PALM2AKAP2: variants seen among roughly 807,000 people sequenced by gnomAD.
The protein encoded by PALM2AKAP2 is PALM2 and AKAP2 fusion, also known as PALM2-AKAP2 fusion protein.
Under a neutral mutation model 71.5 loss-of-function variants are expected in PALM2AKAP2, and 37 were observed. That is an observed-to-expected ratio of 0.52 (90% CI 0.40 to 0.68). The LOEUF (loss-of-function observed/expected upper bound fraction) is 0.68. PALM2AKAP2 is among the 30% of genes least tolerant of loss of function. The probability of loss-of-function intolerance (pLI) is 0.00; values close to 1 mark genes in which losing one functional copy is unlikely to be tolerated. For missense variants in PALM2AKAP2, 1,224 were observed against 1,191.8 expected, an observed-to-expected ratio of 1.03 and a Z score of -0.40; for synonymous variants, 468 against 478.8, an observed-to-expected ratio of 0.98 and a Z score of 0.29.
At chr9:110,058,898 G>GTTTTTTT (rs202140304) in intron 1 of PALM2AKAP2, among the ~76,000 whole-genome samples, 9 of 111,730 alleles carry the variant, frequency 8.1e-5, no homozygotes, top group Non-Finnish European at 1.0e-4. Flanking sequence ...AAGTTTTTTG[G>GTTTTTTT]TTTTTTTTTT....
intron 6 of PALM2AKAP2, among the ~76,000 whole-genome samples, chr9:109,937,304 T>A (rs1831245641): frequency 6.6e-6 from 1 of 152,162 alleles, no homozygotes; most frequent in Admixed American, 6.5e-5. Context: ...CTGGGTGTTT[T>A]CAGAACCTAG....
At chr9:110,118,183 T>G in intron 1 of PALM2AKAP2, among the ~76,000 whole-genome samples, 1 of 137,980 alleles carries the variant, frequency 7.2e-6, no homozygotes, top group South Asian at 2.4e-4. Context: ...TATATATATA[T>G]ATTCCATGTA....
intron 3 of PALM2AKAP2, among the ~76,000 whole-genome samples, chr9:110,158,434 ATG>A (rs1487851224): frequency 6.6e-6 from 1 of 152,176 alleles, no homozygotes; most frequent in African/African-American, 2.4e-5. Flanking sequence ...TCACTTGTGT[ATG>A]TCTTTTGTGT....
chr9:109,670,987 A>G (rs1827564037), intron 1 of PALM2AKAP2, among the ~76,000 whole-genome samples: 1 of 152,022 alleles, frequency 6.6e-6, no homozygotes, highest in South Asian at 2.1e-4. Flanking sequence ...TTTCTTGCAA[A>G]TTTGTTTAAG....
chr9:109,750,187 G>C (rs1828864250), intron 1 of PALM2AKAP2, among the ~76,000 whole-genome samples: 1 of 152,160 alleles, frequency 6.6e-6, no homozygotes, highest in Admixed American at 6.5e-5. Flanking sequence ...TTGAGACAAA[G>C]GCTGTTGACT....
intron 1 of PALM2AKAP2, among the ~76,000 whole-genome samples, chr9:110,119,399 G>T (rs918752628): frequency 5.3e-5 from 8 of 151,550 alleles, no homozygotes; most frequent in Admixed American, 5.3e-4. Context: ...ATTAATTTAG[G>T]TTATTTCTAG....
chr9:109,922,539 G>A (rs1830859637), intron 3 of PALM2AKAP2, among the ~76,000 whole-genome samples: 1 of 150,982 alleles, frequency 6.6e-6, no homozygotes, highest in Non-Finnish European at 1.5e-5. Flanking sequence ...ACAACAGAGG[G>A]GAAAGAGACC....
intron 7 of PALM2AKAP2, among the ~76,000 whole-genome samples, chr9:110,033,213 A>G (rs951003182): frequency 7.9e-5 from 12 of 152,230 alleles, no homozygotes; most frequent in African/African-American, 2.9e-4. Flanking sequence ...AGTGTATCCC[A>G]TGAGTGACAC....
intron 2 of PALM2AKAP2, among the ~76,000 whole-genome samples, chr9:109,880,257 CAT>C (rs1564193053): frequency 2.6e-5 from 4 of 152,226 alleles, no homozygotes; most frequent in Middle Eastern, 3.4e-3. Context: ...TGATGAGAAA[CAT>C]ATGGGAAAAT....
intron 1 of PALM2AKAP2, among the ~76,000 whole-genome samples, chr9:109,805,924 T>A: frequency 6.6e-6 from 1 of 152,094 alleles, no homozygotes; most frequent in South Asian, 2.1e-4. Flanking sequence ...TGTAGTAGAG[T>A]AGTTGCCTGA....
chr9:109,964,139 T>A (rs886585541), intron 6 of PALM2AKAP2, among the ~76,000 whole-genome samples: 4 of 152,272 alleles, frequency 2.6e-5, no homozygotes, highest in African/African-American at 9.6e-5. Flanking sequence ...GATATTGAGA[T>A]ATACTGTATG....
chr9:109,671,727 C>T (rs1421265704), intron 1 of PALM2AKAP2, among the ~76,000 whole-genome samples: 1 of 152,146 alleles, frequency 6.6e-6, no homozygotes, highest in African/African-American at 2.4e-5. Context: ...TATCCATGAG[C>T]ATGGAATATT....
chr9:109,819,705 ATGTGTG>A (rs57864589), intron 1 of PALM2AKAP2, among the ~76,000 whole-genome samples: 19 of 140,604 alleles, frequency 1.4e-4, no homozygotes, highest in African/African-American at 4.4e-4. Context: ...GTGTGTGTGT[ATGTGTG>A]TGTGTGTGTG....
intron 1 of PALM2AKAP2, among the ~76,000 whole-genome samples, chr9:110,125,977 G>T (rs903256379): frequency 6.6e-5 from 10 of 152,054 alleles, no homozygotes; most frequent in African/African-American, 2.2e-4. Flanking sequence ...TGATTCTGTC[G>T]CCTCGTTTCT....
chr9:109,884,394 G>A (rs1429273680), intron 3 of PALM2AKAP2, among the ~76,000 whole-genome samples: 4 of 152,088 alleles, frequency 2.6e-5, no homozygotes, highest in East Asian at 1.9e-4. Flanking sequence ...CCCGGGAAGC[G>A]GAGGTTGCAG....
intron 3 of PALM2AKAP2, among the ~76,000 whole-genome samples, chr9:110,158,334 G>A (rs929615824): frequency 5.9e-5 from 9 of 152,212 alleles, no homozygotes; most frequent in African/African-American, 1.7e-4. Context: ...AGCCAAGTGG[G>A]TGCCCCACAC....
chr9:109,744,862 C>T (rs2118695139), intron 1 of PALM2AKAP2, among the ~76,000 whole-genome samples: 1 of 152,250 alleles, frequency 6.6e-6, no homozygotes, highest in East Asian at 1.9e-4. Context: ...CACTAGGACC[C>T]TCCAACCTCC....
intron 1 of PALM2AKAP2, among the ~76,000 whole-genome samples, chr9:110,061,406 T>C (rs116929355): frequency 6.6e-6 from 1 of 152,068 alleles, no homozygotes; most frequent in Non-Finnish European, 1.5e-5. Flanking sequence ...GGGTGTAACT[T>C]AACTTTGAAA....
chr9:109,659,746 A>G (rs183021733), intron 1 of PALM2AKAP2, among the ~76,000 whole-genome samples: 1 of 152,216 alleles, frequency 6.6e-6, no homozygotes, highest in Non-Finnish European at 1.5e-5. Context: ...ATATTGCTCC[A>G]CTAAAAAACT....
Sources: gnomAD v4.1 joint callset for allele counts (sites outside exome capture counted in the v4.1 genomes callset) on GRCh38, gnomAD v4.1.1 for gene constraint, MANE v1.5 for transcripts, NCBI Gene and HGNC (gene_info 2026-07-23, HGNC 2026-07-21) for gene names.